ATP8B4: variants seen among roughly 807,000 people sequenced by gnomAD.
The protein encoded by ATP8B4 is probable phospholipid-transporting ATPase IM.
ATP8B4 carries 133 observed loss-of-function variants against 145.6 expected under a neutral mutation model. The observed-to-expected ratio is 0.91, with a 90% CI of 0.79 to 1.05. The LOEUF is 1.05. Among genes scored for constraint, ATP8B4 ranks in the 50% least tolerant of loss-of-function variants. The probability of loss-of-function intolerance (pLI) is 0.00; values close to 1 mark genes in which losing one functional copy is unlikely to be tolerated. For missense variants in ATP8B4, 1,458 were observed against 1,425.2 expected (o/e 1.02, Z -0.37); for synonymous variants, 507 against 492.9 (o/e 1.03, Z -0.38).
At chr15:49,862,194 T>C (rs754776015) in intron 27 of ATP8B4, 51 bp downstream of exon 27, 5 of 1,585,386 alleles carry the variant, frequency 3.2e-6, no homozygotes, top group East Asian at 2.3e-5. Flanking sequence ...AAGGACACCA[T>C]TTCAAGAGCC....
chr15:49,994,935 T>C (rs1220303152), intron 9 of ATP8B4, among the ~76,000 whole-genome samples: 1 of 152,172 alleles, frequency 6.6e-6, no homozygotes. Context: ...ATTGTGTCTC[T>C]TTCATCTTAC....
chr15:49,956,509 C>T (rs1567074387), intron 14 of ATP8B4, among the ~76,000 whole-genome samples: 1 of 152,172 alleles, frequency 6.6e-6, no homozygotes, highest in Non-Finnish European at 1.5e-5. Context: ...AGTTTATAGA[C>T]AAACTGTCAT....
At chr15:49,998,722 G>T (rs1229477700) in intron 8 of ATP8B4, among the ~76,000 whole-genome samples, 1 of 152,158 alleles carries the variant, frequency 6.6e-6, no homozygotes, top group African/African-American at 2.4e-5. Flanking sequence ...TTCTTTTGCT[G>T]TGCAGAAGCT....
At chr15:49,861,586 G>A (rs1039968987) in intron 27 of ATP8B4, among the ~76,000 whole-genome samples, 1 of 152,096 alleles carries the variant, frequency 6.6e-6, no homozygotes, top group Non-Finnish European at 1.5e-5. Context: ...ATGAATGTTT[G>A]TCTCCCTTTC....
At chr15:50,049,250 G>A (rs1487843727) in intron 3 of ATP8B4, among the ~76,000 whole-genome samples, 3 of 152,128 alleles carry the variant, frequency 2.0e-5, no homozygotes, top group Non-Finnish European at 4.4e-5. Context: ...ACTCTCCCTA[G>A]TAACAAGCAT....
intron 2 of ATP8B4, among the ~76,000 whole-genome samples, chr15:50,078,259 C>A (rs2054313792): frequency 1.3e-5 from 2 of 151,394 alleles, no homozygotes; most frequent in African/African-American, 4.9e-5. Context: ...TAGTTCACTG[C>A]AGTCTCGAAC....
intron 23 of ATP8B4, among the ~76,000 whole-genome samples, chr15:49,882,051 G>A (rs1173573226): frequency 2.0e-5 from 3 of 152,192 alleles, no homozygotes; most frequent in African/African-American, 7.2e-5. Flanking sequence ...GGCAGAGTCT[G>A]TGACCTCACT....
chr15:50,123,047 C>G (rs1197936775), upstream of ATP8B4, among the ~76,000 whole-genome samples: 3 of 152,156 alleles, frequency 2.0e-5, no homozygotes, highest in Non-Finnish European at 4.4e-5. Flanking sequence ...AACCCAGCAC[C>G]TGTCACATAA....
chr15:50,055,955 G>A (rs755773432), intron 3 of ATP8B4, among the ~76,000 whole-genome samples: 50 of 152,160 alleles, frequency 3.3e-4, no homozygotes, highest in Non-Finnish European at 2.9e-4. Context: ...TCAGCTGACT[G>A]TTGCCTGGTG....
At chr15:50,050,973 G>GT (rs1418040613) in intron 3 of ATP8B4, among the ~76,000 whole-genome samples, 2 of 151,978 alleles carry the variant, frequency 1.3e-5, no homozygotes, top group South Asian at 2.1e-4. Flanking sequence ...ACTCCTATCT[G>GT]TTTTTTTAGA....
chr15:49,985,251 C>T (rs2046495835), intron 10 of ATP8B4, among the ~76,000 whole-genome samples: 1 of 152,134 alleles, frequency 6.6e-6, no homozygotes, highest in Admixed American at 6.5e-5. Context: ...CGCCTGCCAA[C>T]ACGCCTGGCT....
At chr15:50,179,742 G>A (rs1028337372) in intron 1 of ATP8B4, among the ~76,000 whole-genome samples, 7 of 152,166 alleles carry the variant, frequency 4.6e-5, no homozygotes, top group African/African-American at 1.7e-4. Context: ...CAGTGAGAAG[G>A]CACCATCTGT....
At chr15:49,966,515 G>A (rs939666428) in intron 13 of ATP8B4, among the ~76,000 whole-genome samples, 1 of 152,196 alleles carries the variant, frequency 6.6e-6, no homozygotes, top group African/African-American at 2.4e-5. Context: ...GTTCAAACCA[G>A]GCGGAGCCCA....
At chr15:50,081,350 G>A (rs1015615585) in intron 2 of ATP8B4, among the ~76,000 whole-genome samples, 11 of 152,030 alleles carry the variant, frequency 7.2e-5, no homozygotes, top group African/African-American at 2.7e-4. Context: ...TTAAAAAACT[G>A]AAAAATAGTA....
intron 3 of ATP8B4, among the ~76,000 whole-genome samples, chr15:50,055,051 A>C (rs2052501133): frequency 6.6e-6 from 1 of 152,146 alleles, no homozygotes; most frequent in Non-Finnish European, 1.5e-5. Context: ...AAACTACGTC[A>C]ATTCTGAAAT....
At chr15:50,131,845 G>T (rs1002566872) in intron 1 of ATP8B4, among the ~76,000 whole-genome samples, 41 of 150,066 alleles carry the variant, frequency 2.7e-4, no homozygotes, top group African/African-American at 9.7e-4. Context: ...CATGTAATTA[G>T]AAATATTTTA....
intron 23 of ATP8B4, among the ~76,000 whole-genome samples, chr15:49,892,998 A>G (rs563039327): frequency 1.3e-5 from 2 of 152,372 alleles, no homozygotes; most frequent in African/African-American, 4.8e-5. Context: ...AATTCAAAAA[A>G]TCTTTGGAAA....
chr15:50,098,592 G>A (rs1274165703), intron 2 of ATP8B4, among the ~76,000 whole-genome samples: 2 of 151,832 alleles, frequency 1.3e-5, no homozygotes, highest in African/African-American at 4.8e-5. Context: ...TCTACCACAT[G>A]GTTTTTAACT....
chr15:49,933,869 T>C, intron 15 of ATP8B4, 148 bp downstream of exon 15: 1 of 794,160 alleles, frequency 1.3e-6, no homozygotes, highest in Non-Finnish European at 1.8e-6. Context: ...CCTTCAAATT[T>C]AACATCAGTT....
Sources: gnomAD v4.1 joint callset for allele counts (sites outside exome capture counted in the v4.1 genomes callset) on GRCh38, gnomAD v4.1.1 for gene constraint, MANE v1.5 for transcripts, NCBI Gene and HGNC (gene_info 2026-07-23, HGNC 2026-07-21) for gene names.